Variants in NSMF observed in about 807,000 individuals in gnomAD.
The protein encoded by NSMF is NMDA receptor synaptonuclear signaling and neuronal migration factor, also known as nasal embryonic LHRH factor.
NSMF carries 31 observed loss-of-function variants against 71.0 expected under a neutral mutation model. That is an observed-to-expected ratio of 0.44 (90% CI 0.33 to 0.59). The LOEUF is 0.59. Ranked by LOEUF, NSMF falls within the 20% of genes least tolerant of loss-of-function variation. The pLI, the probability that NSMF is intolerant of heterozygous loss-of-function variation, is 0.04. For missense variants in NSMF, 673 were observed against 740.5 expected (o/e 0.91, Z 1.06); for synonymous variants, 345 against 287.1 (o/e 1.20, Z -2.04).
At chr9:137,454,244 T>C in intron 7 of NSMF, 147 bp downstream of exon 7, 1 of 671,294 alleles carries the variant, frequency 1.5e-6, no homozygotes, top group Admixed American at 2.6e-5. Flanking sequence ...TGGGCCGGGC[T>C]GGGGAAGTGG....
In NSMF at chr9:137,455,250, A is replaced by G. The variant is rs1200120937; in HGVS notation, c.768T>C (p.Ser256=). The G allele has an allele frequency of 1.9e-6, 3 of 1,612,678 alleles. No individual in the cohort carries two copies. The African/African-American group carries it at 4.0e-5, about 22-fold the overall frequency. The part of the protein sequence containing the change: ...KRRKRENDSA[S]VIQRNFRKHL... ...CTGGCAGGCCCTACCTCTGGATTACAGACGCGGAATCATTCTCCCGTTTCC... is the reference window on the plus strand; with the variant it reads ...CTGGCAGGCCCTACCTCTGGATTACGGACGCGGAATCATTCTCCCGTTTCC... The change falls in exon 6 of 16, where the codon TCT becomes TCC. Residue 256 remains serine (S), a synonymous_variant. Transcript: ENST00000371475.
At position 137,457,644 on chromosome 9, in the gene NSMF, G is replaced by A; in HGVS notation, c.391C>T (p.His131Tyr). 4 of 1,549,016 alleles carry A rather than the reference G, an allele frequency of 2.6e-6. No individual in the cohort carries two copies. Among genetic ancestry groups the A allele is most frequent in the Non-Finnish European group, 3.5e-6 (4 of 1,146,148 alleles). Residue 131 changes from histidine (H) to tyrosine (Y), a missense_variant, in exon 3 of 16, where the codon CAC becomes TAC. This residue lies in a region of NSMF where 471 missense variants were observed against 459.6 expected (regional missense o/e 1.02). Coordinates refer to ENST00000371475, the MANE Select transcript of NSMF (RefSeq NM_001130969.3). ...LAVVKGRRQR[H>Y]PHHHSQPLRA... The stretch of plus-strand genomic sequence containing the variant: ...AGGGGCTGGCTGTGATGGTGAGGGT[G>A]CCGCTGCCGCCGCCCCTTCACCACC...
At chr9:137,452,665 G>A (rs753182305) in intron 10 of NSMF, 71 bp downstream of exon 10, 2 of 1,606,126 alleles carry the variant, frequency 1.2e-6, no homozygotes, top group Non-Finnish European at 1.7e-6. Flanking sequence ...GGGGACCTGG[G>A]GTGCCGGCGC....
intron 3 of NSMF, among the ~76,000 whole-genome samples, chr9:137,456,747 G>T (rs566724595): frequency 2.0e-5 from 3 of 152,336 alleles, no homozygotes; most frequent in Non-Finnish European, 4.4e-5. Flanking sequence ...CCCAAAGTTT[G>T]AGAAACATTC....
In NSMF at chr9:137,453,547, G is replaced by T; in HGVS notation, c.922+184C>A. On this transcript the variant is annotated intron_variant, in intron 8 of 15. Coordinates refer to ENST00000371475, the MANE Select transcript of NSMF (RefSeq NM_001130969.3). The surrounding 1 kb of genome is among the most constrained non-coding windows in gnomAD (Gnocchi z 4.5). ...AGGCGCCCCCGGCCAGCACTGCCGC[G>T]GCCGTTGTTAGCCCCGCCTTTGCGA... 1 of 617,548 alleles carries T rather than the reference G, an allele frequency of 1.6e-6. No homozygotes were observed. The highest frequency in any genetic ancestry group is 2.8e-6 in the Non-Finnish European group (1 of 355,044). 38.3% of individuals were successfully genotyped at this position (617,548 alleles called of 1,614,324 possible). A position where few individuals can be genotyped will look rare whatever the true frequency, so the allele number is the denominator to read the frequency against.
chr9:137,454,760 C>T lies in NSMF; in HGVS notation c.780-317G>A, dbSNP rs1196627673. On this transcript the variant is annotated intron_variant, in intron 6 of 15. Coordinates refer to ENST00000371475, the MANE Select transcript of NSMF (RefSeq NM_001130969.3). ...CCGGGACTTACGCCCTGAGCCTCCA[C>T]GCCCATGTGGCAGAGGATCCAGCCT... 6 of 1,434,182 alleles carry T rather than the reference C, an allele frequency of 4.2e-6. No homozygotes were observed. In the African/African-American group the frequency reaches 7.0e-5, roughly 17 times the overall value. The allele number at this position is 1,434,182 out of a possible 1,614,324, so 88.8% of individuals were successfully genotyped here. A position where few individuals can be genotyped will look rare whatever the true frequency, so the allele number is the denominator to read the frequency against.
chr9:137,448,219 G>T lies in NSMF; in HGVS notation c.*1175C>A. The T allele has an allele frequency of 6.5e-6, 1 of 152,726 alleles. No homozygotes were observed. 9.5% of individuals were successfully genotyped at this position (152,726 alleles called of 1,614,324 possible). A position where few individuals can be genotyped will look rare whatever the true frequency, so the allele number is the denominator to read the frequency against. On this transcript the variant is annotated 3_prime_UTR_variant, in exon 16 of 16. Transcript: ENST00000371475. This position sits in a 1 kb window ranked among gnomAD's most constrained non-coding sequence, Gnocchi z 5.3. The stretch of plus-strand genomic sequence containing the variant: ...AAGCACTGAGAGGACAGACCCACGC[G>T]GCGGCCGCGGTGGAGGATCAGGTTT...
chr9:137,458,388 C>T (rs1036573713), intron 2 of NSMF, 100 bp downstream of exon 2: 3 of 1,103,404 alleles, frequency 2.7e-6, no homozygotes, highest in Admixed American at 2.0e-5. Flanking sequence ...CGGGCCCACG[C>T]GCAACCAATG....
chr9:137,458,911 G>A (rs1398455144), intron 1 of NSMF, 121 bp downstream of exon 1: 7 of 748,504 alleles, frequency 9.4e-6, no homozygotes, highest in South Asian at 2.5e-5. Flanking sequence ...GGCGCGGGGA[G>A]GGCGCCTCAG....
Position 137,449,294 on chromosome 9 carries a change from G to T in NSMF, c.*100C>A. On this transcript the variant is annotated 3_prime_UTR_variant, in exon 16 of 16. Transcript: ENST00000371475. ...GGTGCCCTGAAGTGGCTCCAGGCGA[G>T]ACCGGAGCCACACAGTCCCGGGGAG... is the stretch of plus-strand genomic sequence containing the variant. 9.8e-7 allele frequency: 1 copy of T among 1,017,026 alleles called. No individual in the cohort carries two copies. Among genetic ancestry groups the T allele is most frequent in the Non-Finnish European group, 1.5e-6 (1 of 663,090 alleles). 63.0% of individuals were successfully genotyped at this position (1,017,026 alleles called of 1,614,324 possible).
At position 137,457,529 on chromosome 9, in the gene NSMF, C is replaced by G; in HGVS notation, c.506G>C (p.Gly169Ala). The change falls in exon 3 of 16, where the codon GGA becomes GCA. Residue 169 changes from glycine (G) to alanine (A), a missense_variant. Physicochemically the swap from Gly to Ala is moderately conservative, Grantham distance 60 (BLOSUM62 0). Around this residue, in one of 2 missense-constraint regions of NSMF, gnomAD observed 471 missense variants for 459.6 expected, o/e 1.02. Coordinates refer to ENST00000371475, the MANE Select transcript of NSMF (RefSeq NM_001130969.3). ...GSRQGSKECP[G>A]CAQLAPGPTP... ...GGGGCCAGGAGCCAGCTGGGCACAT[C>G]CGGGGCACTCCTTGGAGCCCTGGCG... The G allele has an allele frequency of 6.2e-7, 1 of 1,607,010 alleles. No homozygotes were observed. The highest frequency in any genetic ancestry group is 1.3e-5 in the African/African-American group (1 of 74,794).
intron 4 of NSMF, among the ~76,000 whole-genome samples, 198 bp downstream of exon 4, chr9:137,456,213 G>T (rs1019599064): frequency 1.3e-5 from 2 of 152,102 alleles, no homozygotes; most frequent in South Asian, 2.1e-4. Context: ...TGTGTGGGGG[G>T]GGGGGCTGGG....
intron 7 of NSMF, 44 bp downstream of exon 7, chr9:137,454,332 AAAGCCCCAACCAGCC>A: frequency 6.7e-7 from 1 of 1,492,766 alleles, no homozygotes; most frequent in Non-Finnish European, 9.1e-7. Flanking sequence ...AGCAGCAAGC[AAAGCCCCAACCAGCC>A]AAGCGCAACG....
In NSMF at chr9:137,449,626, C is replaced by T. The variant is rs1461351774; in HGVS notation, c.1468G>A (p.Glu490Lys). The change falls in exon 15 of 16, where the codon GAG becomes AAG. Residue 490 changes from glutamate (E) to lysine (K), a missense_variant. Transcript: ENST00000371475. ...TGGGCTGAGAGCTCCAGGGGTGACTCGAAGGTGACCCTATAAGGAGTCATG... is the reference window on the plus strand; with the variant it reads ...TGGGCTGAGAGCTCCAGGGGTGACTTGAAGGTGACCCTATAAGGAGTCATG... ...TLMTPYRVTF[E>K]SPLELSAQGK... The T allele has an allele frequency of 5.0e-6, 8 of 1,612,552 alleles. No individual in the cohort carries two copies. Among genetic ancestry groups the T allele is most frequent in the East Asian group, 2.2e-5 (1 of 44,854 alleles).
chr9:137,452,318 CCCA>C, intron 12 of NSMF, 44 bp downstream of exon 12: 1 of 1,589,468 alleles, frequency 6.3e-7, no homozygotes. Context: ...CTTCCCCTGC[CCCA>C]CCACGATTCT....
At position 137,452,530 on chromosome 9, in the gene NSMF, GAGA is replaced by G; in HGVS notation, c.1165+20_1165+22del. 6.2e-7 allele frequency: 1 copy of G among 1,612,602 alleles called. No individual in the cohort carries two copies. Among genetic ancestry groups the G allele is most frequent in the Non-Finnish European group, 8.5e-7 (1 of 1,179,940 alleles). On this transcript the variant is annotated intron_variant, in intron 11 of 15. Transcript: ENST00000371475. The stretch of plus-strand genomic sequence containing the variant: ...CCCTCCCAGGCCTGGAACCAGCAGA[GAGA>G]AGGCCAATGAGGCACATACCAAGGA...
At chr9:137,449,553 G>A (rs1167890027) in intron 15 of NSMF, 46 bp downstream of exon 15, 2 of 1,609,956 alleles carry the variant, frequency 1.2e-6, no homozygotes, top group Non-Finnish European at 8.5e-7. Flanking sequence ...ACCCCACCGT[G>A]GCCCCGCAGT....
At chr9:137,450,993 G>A (rs1363090382) in intron 12 of NSMF, among the ~76,000 whole-genome samples, 1 of 13,842 alleles carries the variant, frequency 7.2e-5, no homozygotes. Flanking sequence ...CCCCTGCCAC[G>A]TCTCTTCCCC....
chr9:137,453,830 G>T lies in NSMF; in HGVS notation c.833-10C>A. ...CGCCGCTCAGCGAACGCTGCAGAGA[G>T]CAAAACCCGCATTAGCGAGCGGGTG... On this transcript the variant is annotated splice_polypyrimidine_tract_variant and intron_variant, in intron 7 of 15. Coordinates refer to ENST00000371475, the MANE Select transcript of NSMF (RefSeq NM_001130969.3). The surrounding 1 kb of genome is among the most constrained non-coding windows in gnomAD (Gnocchi z 4.5). 6.3e-7 allele frequency: 1 copy of T among 1,579,238 alleles called. No homozygotes were observed. The highest frequency in any genetic ancestry group is 8.5e-7 in the Non-Finnish European group (1 of 1,170,094).
Sources: allele counts gnomAD v4.1 joint callset (sites outside exome capture counted in the v4.1 genomes callset), GRCh38; gene constraint gnomAD v4.1.1; regional missense constraint gnomAD v4.1.1; non-coding constraint Gnocchi (gnomAD v3.1); transcripts MANE v1.5; gene names NCBI Gene and HGNC (gene_info 2026-07-23, HGNC 2026-07-21).